Variants in PTPRM observed in about 807,000 individuals in gnomAD.
The protein encoded by PTPRM is protein tyrosine phosphatase receptor type M.
In PTPRM, 47 loss-of-function variants were observed where a neutral mutation model predicts 186.7. The observed-to-expected ratio is 0.25, with a 90% CI of 0.20 to 0.32. The LOEUF (loss-of-function observed/expected upper bound fraction) is 0.32. PTPRM is among the 10% of genes least tolerant of loss of function. PTPRM has a pLI of 1.00. For missense variants in PTPRM, 1,494 were observed against 1,865.0 expected (o/e 0.80, Z 3.66); for synonymous variants, 668 against 674.9 (o/e 0.99, Z 0.16).
At chr18:8,061,503 A>C (rs1356134083) in intron 7 of PTPRM, among the ~76,000 whole-genome samples, 1 of 92,222 alleles carries the variant, frequency 1.1e-5, no homozygotes, top group African/African-American at 4.9e-5. Context: ...TGTCATTATG[A>C]TGTTAGCTGG....
At chr18:7,675,483 G>A (rs2039312968) in intron 1 of PTPRM, among the ~76,000 whole-genome samples, 1 of 151,970 alleles carries the variant, frequency 6.6e-6, no homozygotes, top group South Asian at 2.1e-4. Context: ...AAACAAAAAT[G>A]GACATAAAAA....
intron 11 of PTPRM, among the ~76,000 whole-genome samples, chr18:8,091,544 A>C (rs1487155029): frequency 6.6e-6 from 1 of 152,106 alleles, no homozygotes; most frequent in Non-Finnish European, 1.5e-5. Flanking sequence ...GTGTTGGCAC[A>C]AATTTGAGAG....
intron 1 of PTPRM, among the ~76,000 whole-genome samples, chr18:7,630,546 G>C (rs747199796): frequency 6.6e-6 from 1 of 152,140 alleles, no homozygotes; most frequent in Non-Finnish European, 1.5e-5. Context: ...TACGCGCAAC[G>C]TGGAAGGGAG....
At chr18:7,661,185 A>G (rs571737607) in intron 1 of PTPRM, among the ~76,000 whole-genome samples, 1 of 152,320 alleles carries the variant, frequency 6.6e-6, no homozygotes, top group Admixed American at 6.5e-5. Context: ...TCTTTTCATA[A>G]GGAATGATCT....
chr18:7,587,881 A>G (rs2037020250), intron 1 of PTPRM, among the ~76,000 whole-genome samples: 1 of 152,160 alleles, frequency 6.6e-6, no homozygotes, highest in African/African-American at 2.4e-5. Flanking sequence ...TTTCTATCAG[A>G]TAAAGTCTAA....
At chr18:7,848,025 A>G (rs1460199880) in intron 2 of PTPRM, among the ~76,000 whole-genome samples, 2 of 152,138 alleles carry the variant, frequency 1.3e-5, no homozygotes, top group Admixed American at 1.3e-4. Flanking sequence ...TATCAAACTT[A>G]ATGAGTCTGA....
chr18:8,344,452 A>G (rs1295973655), intron 23 of PTPRM, among the ~76,000 whole-genome samples: 46 of 62,378 alleles, frequency 7.4e-4, no homozygotes, highest in African/African-American at 1.5e-3. Context: ...GTGTGTGTAT[A>G]TATATATATA....
At chr18:8,282,533 C>CA (rs2094914878) in intron 19 of PTPRM, among the ~76,000 whole-genome samples, 1 of 151,986 alleles carries the variant, frequency 6.6e-6, no homozygotes, top group African/African-American at 2.4e-5. Flanking sequence ...GTGGTGGTGG[C>CA]CGCCTGTAAT....
intron 22 of PTPRM, among the ~76,000 whole-genome samples, chr18:8,325,049 C>G (rs1224250745): frequency 4.6e-5 from 7 of 152,180 alleles, no homozygotes; most frequent in Non-Finnish European, 1.0e-4. Flanking sequence ...TGAACTCAAC[C>G]CCCAACCCTG....
chr18:7,668,069 C>T lies in PTPRM; in HGVS notation c.73+100178C>T, dbSNP rs570655152. 3.3e-5 allele frequency among the ~76,000 whole-genome samples: 5 copies of T among 152,150 alleles called. No homozygotes were observed. In the East Asian group the frequency reaches 5.8e-4, roughly 18 times the overall value. ...AAGTCCCAGGGTTCATAGTGTCCCCCGTTTTTTATTTTTATGGTGGTGGTT... is the reference window on the plus strand; with the variant it reads ...AAGTCCCAGGGTTCATAGTGTCCCCTGTTTTTTATTTTTATGGTGGTGGTT... On this transcript the variant is annotated intron_variant, in intron 1 of 32. Transcript: ENST00000580170. The surrounding 1 kb of genome is among the most constrained non-coding windows in gnomAD (Gnocchi z 4.7).
At chr18:7,819,459 C>T (rs572773671) in intron 2 of PTPRM, among the ~76,000 whole-genome samples, 10 of 152,314 alleles carry the variant, frequency 6.6e-5, no homozygotes, top group Admixed American at 1.3e-4. Flanking sequence ...AGTGGAATGA[C>T]GCAGAATTTG....
intron 23 of PTPRM, among the ~76,000 whole-genome samples, chr18:8,364,414 A>C (rs994893839): frequency 6.6e-6 from 1 of 152,228 alleles, no homozygotes; most frequent in Non-Finnish European, 1.5e-5. Context: ...ATCCATGTGC[A>C]TCTTACTCCA....
chr18:7,633,183 C>A (rs2038232032), intron 1 of PTPRM, among the ~76,000 whole-genome samples: 1 of 152,108 alleles, frequency 6.6e-6, no homozygotes, highest in African/African-American at 2.4e-5. Flanking sequence ...TGTAAGTCGG[C>A]TTTTTAGTTG....
At chr18:7,946,967 C>G (rs1212131254) in intron 5 of PTPRM, 6 of 456,250 alleles carry the variant, frequency 1.3e-5, no homozygotes, top group Non-Finnish European at 2.6e-5. Context: ...GGAACCCTCT[C>G]CCTCCATCCT....
At chr18:7,750,714 A>G (rs1282003054) in intron 1 of PTPRM, among the ~76,000 whole-genome samples, 1 of 152,206 alleles carries the variant, frequency 6.6e-6, no homozygotes, top group Non-Finnish European at 1.5e-5. Context: ...TCATGACCAC[A>G]GGTTACTTCA....
At chr18:7,921,961 G>T (rs1269527215) in intron 4 of PTPRM, among the ~76,000 whole-genome samples, 1 of 152,194 alleles carries the variant, frequency 6.6e-6, no homozygotes. Context: ...TCTTTGCATT[G>T]AAGGGTTGGT....
At chr18:7,905,842 C>A (rs1465585659) in intron 3 of PTPRM, among the ~76,000 whole-genome samples, 1 of 152,046 alleles carries the variant, frequency 6.6e-6, no homozygotes, top group Non-Finnish European at 1.5e-5. Context: ...ATCTTACTAC[C>A]CCACATGGTC....
At chr18:7,786,079 A>G (rs1411037455) in intron 2 of PTPRM, among the ~76,000 whole-genome samples, 1 of 152,256 alleles carries the variant, frequency 6.6e-6, no homozygotes, top group Non-Finnish European at 1.5e-5. Flanking sequence ...GATTGTGCAG[A>G]TCATTATTTT....
intron 7 of PTPRM, among the ~76,000 whole-genome samples, chr18:8,025,662 A>G (rs1331095664): frequency 6.6e-6 from 1 of 152,224 alleles, no homozygotes; most frequent in Admixed American, 6.5e-5. Flanking sequence ...AGCTGGTACG[A>G]TATTAGCGAG....
Sources: gnomAD v4.1 joint callset for allele counts (sites outside exome capture counted in the v4.1 genomes callset) on GRCh38, gnomAD v4.1.1 for gene constraint, Gnocchi (gnomAD v3.1) non-coding constraint, MANE v1.5 for transcripts, NCBI Gene and HGNC (gene_info 2026-07-23, HGNC 2026-07-21) for gene names.